Variants in CDH13 observed in about 807,000 individuals in gnomAD.
CDH13 encodes the protein cadherin-13.
Under a neutral mutation model 63.8 loss-of-function variants are expected in CDH13, and 24 were observed. The ratio of observed to expected loss-of-function variants is 0.38; its 90% confidence interval spans 0.27 to 0.53. The LOEUF is 0.53. Ranked by LOEUF, CDH13 falls within the 20% of genes least tolerant of loss-of-function variation. The pLI, the probability that CDH13 is intolerant of heterozygous loss-of-function variation, is 0.85. For missense variants in CDH13, 1,049 were observed against 903.1 expected (o/e 1.16, Z -2.07); for synonymous variants, 503 against 355.3 (o/e 1.42, Z -4.67).
chr16:83,673,584 GAAAAAAGAA>G (rs1914701695), intron 9 of CDH13, among the ~76,000 whole-genome samples: 1 of 151,382 alleles, frequency 6.6e-6, no homozygotes, highest in Non-Finnish European at 1.5e-5. Flanking sequence ...TAACAACAAC[GAAAAAAGAA>G]AAAAAAGAAA....
At chr16:83,612,404 T>C (rs1908938071) in intron 8 of CDH13, among the ~76,000 whole-genome samples, 2 of 151,738 alleles carry the variant, frequency 1.3e-5, no homozygotes, top group African/African-American at 4.9e-5. Context: ...TAATCTTATA[T>C]TTAGTCTGTG....
At chr16:82,813,153 T>C (rs2037528857) in intron 1 of CDH13, among the ~76,000 whole-genome samples, 1 of 152,134 alleles carries the variant, frequency 6.6e-6, no homozygotes, top group South Asian at 2.1e-4. Context: ...ATTCAGGTGT[T>C]CAGTTGATGT....
Position 83,181,122 on chromosome 16 carries a change from A to T in CDH13, c.484-36223A>T, listed in dbSNP as rs868035812. On this transcript the variant is annotated intron_variant, in intron 4 of 13. Coordinates refer to ENST00000567109, the MANE Select transcript of CDH13 (RefSeq NM_001257.5). ...TTGATCACATTATTGGGTATTTGGG[A>T]TAGAAATGTGTAGACAGAGAGTCAG... The T allele has an allele frequency of 9.9e-5, 100 of 1,010,136 alleles. No homozygotes were observed. The African/African-American group carries it at 1.2e-3, about 12-fold the overall frequency. The allele number at this position is 1,010,136 out of a possible 1,614,324, so 62.6% of individuals were successfully genotyped here. A position where few individuals can be genotyped will look rare whatever the true frequency, so the allele number is the denominator to read the frequency against.
intron 5 of CDH13, among the ~76,000 whole-genome samples, chr16:83,289,348 T>A (rs1218893893): frequency 6.6e-6 from 1 of 152,228 alleles, no homozygotes; most frequent in African/African-American, 2.4e-5. Flanking sequence ...GAAAGGCTTC[T>A]GTTTAGGGCG....
intron 5 of CDH13, among the ~76,000 whole-genome samples, chr16:83,319,940 C>T (rs951718397): frequency 5.3e-5 from 8 of 152,300 alleles, no homozygotes; most frequent in Non-Finnish European, 7.4e-5. Flanking sequence ...AGACAGTAGA[C>T]GTTAGGCATC....
At chr16:83,014,979 T>G (rs1442162688) in intron 2 of CDH13, among the ~76,000 whole-genome samples, 1 of 149,912 alleles carries the variant, frequency 6.7e-6, no homozygotes, top group Non-Finnish European at 1.5e-5. Context: ...ACTGCTTTAA[T>G]GAGAGCAGAT....
chr16:83,502,132 C>A (rs576433436), intron 7 of CDH13, among the ~76,000 whole-genome samples: 8 of 152,314 alleles, frequency 5.3e-5, no homozygotes, highest in African/African-American at 1.9e-4. Flanking sequence ...AGTCCTCATC[C>A]TAATTCCCAG....
chr16:83,609,314 G>T (rs528341161), intron 8 of CDH13, among the ~76,000 whole-genome samples: 1 of 152,180 alleles, frequency 6.6e-6, no homozygotes, highest in Non-Finnish European at 1.5e-5. Context: ...TTCCAGTATG[G>T]CCCAGGGAAG....
chr16:83,117,847 G>C (rs1280843280), intron 3 of CDH13, among the ~76,000 whole-genome samples: 1 of 142,038 alleles, frequency 7.0e-6, no homozygotes, highest in East Asian at 2.5e-4. Context: ...TGTGTTCTTT[G>C]GGGCGAGTGT....
At chr16:83,388,654 G>A (rs1007822924) in intron 6 of CDH13, among the ~76,000 whole-genome samples, 1 of 152,212 alleles carries the variant, frequency 6.6e-6, no homozygotes, top group Non-Finnish European at 1.5e-5. Flanking sequence ...TAGGCCCTGC[G>A]TTGGTGTACC....
At chr16:82,812,836 TTCC>T (rs2037514587) in intron 1 of CDH13, among the ~76,000 whole-genome samples, 1 of 99,364 alleles carries the variant, frequency 1.0e-5, no homozygotes, top group Non-Finnish European at 2.0e-5. Flanking sequence ...CCTCCCTTCC[TTCC>T]TCCCTTCTTT....
intron 3 of CDH13, among the ~76,000 whole-genome samples, chr16:83,044,920 G>T (rs1349990131): frequency 6.6e-6 from 1 of 152,160 alleles, no homozygotes; most frequent in Non-Finnish European, 1.5e-5. Context: ...ACAAGATAAT[G>T]TAATAAAATG....
intron 6 of CDH13, among the ~76,000 whole-genome samples, chr16:83,460,842 T>TAAA (rs36001774): frequency 2.8e-5 from 4 of 140,610 alleles, no homozygotes; most frequent in Non-Finnish European, 4.6e-5. Flanking sequence ...TACAAATAAT[T>TAAA]AAAAAAAAAA....
chr16:82,846,839 G>T (rs557090986), intron 1 of CDH13, among the ~76,000 whole-genome samples: 4 of 151,968 alleles, frequency 2.6e-5, no homozygotes, highest in African/African-American at 9.7e-5. Flanking sequence ...TGTCATAATG[G>T]CAGATCAAAA....
intron 6 of CDH13, among the ~76,000 whole-genome samples, chr16:83,401,255 C>T (rs2151442483): frequency 6.6e-6 from 1 of 151,796 alleles, no homozygotes; most frequent in Non-Finnish European, 1.5e-5. Context: ...AGGAGAATCG[C>T]TTGAACCCAG....
At chr16:82,841,876 C>T (rs1049313355) in intron 1 of CDH13, among the ~76,000 whole-genome samples, 5 of 151,808 alleles carry the variant, frequency 3.3e-5, no homozygotes, top group East Asian at 1.9e-4. Flanking sequence ...TTCACAACTC[C>T]GTATTCAGTG....
chr16:82,762,792 T>A (rs931106355), intron 1 of CDH13, among the ~76,000 whole-genome samples: 1 of 152,242 alleles, frequency 6.6e-6, no homozygotes, highest in Non-Finnish European at 1.5e-5. Flanking sequence ...TCTTTGCATG[T>A]GTTTGGAAAT....
At chr16:83,779,558 C>T (rs904909876) in intron 11 of CDH13, among the ~76,000 whole-genome samples, 7 of 151,896 alleles carry the variant, frequency 4.6e-5, no homozygotes, top group Admixed American at 3.3e-4. Context: ...CATGGTGGCT[C>T]ACGCCTGTGA....
At chr16:83,018,898 G>A (rs2151450490) in intron 2 of CDH13, among the ~76,000 whole-genome samples, 1 of 152,272 alleles carries the variant, frequency 6.6e-6, no homozygotes. Flanking sequence ...GGTAAAATTG[G>A]CACACCTGTA....
Sources: gnomAD v4.1 joint callset for allele counts (sites outside exome capture counted in the v4.1 genomes callset) on GRCh38, gnomAD v4.1.1 for gene constraint, MANE v1.5 for transcripts, NCBI Gene and HGNC (gene_info 2026-07-23, HGNC 2026-07-21) for gene names.